WDFY3: variants seen among roughly 807,000 people sequenced by gnomAD.
WDFY3 encodes WD repeat and FYVE domain-containing protein 3.
A neutral mutation model predicts 409.6 loss-of-function variants in WDFY3; 66 were observed. The observed-to-expected ratio is 0.16, with a 90% CI of 0.13 to 0.20. The LOEUF is 0.20. WDFY3 is among the 10% of genes least tolerant of loss of function. The pLI, the probability that WDFY3 is intolerant of heterozygous loss-of-function variation, is 1.00. For synonymous variants in WDFY3, 1,521 were observed against 1,537.1 expected (o/e 0.99, Z 0.25); for missense variants, 3,031 against 4,298.1 (o/e 0.71, Z 8.24).
rs1231103787 is a variant in WDFY3, at chr4:84,724,374, T to C, written c.7441+52A>G. 26 of 1,552,610 alleles carry C rather than the reference T, an allele frequency of 1.7e-5. No individual in the cohort carries two copies. The Admixed American group carries it at 4.2e-4, about 25-fold the overall frequency. ...GCTCAAATTTTTGTATGAATTCAAA[T>C]ACAAGAATGTTCCAAAATCACTTTT... On this transcript the variant is annotated intron_variant, in intron 46 of 67. Coordinates refer to ENST00000295888, the MANE Select transcript of WDFY3 (RefSeq NM_014991.6).
chr4:84,726,573 T>G lies in WDFY3; in HGVS notation c.7272+288A>C, dbSNP rs557105132. ...ATGCCTCATAATTTGTTAGTTTATG[T>G]GTGAAGCAAAAGATGTTTTTATAGT... is the stretch of plus-strand genomic sequence containing the variant. On this transcript the variant is annotated intron_variant, in intron 45 of 67. Coordinates refer to ENST00000295888, the MANE Select transcript of WDFY3 (RefSeq NM_014991.6). Among the ~76,000 whole-genome samples the G allele has an allele frequency of 1.1e-3, 168 of 152,244 alleles. 2 individuals carry two copies. Among genetic ancestry groups the G allele is most frequent in the African/African-American group, 3.8e-3 (157 of 41,568 alleles).
At chr4:84,779,494 C>A (rs562947706) in intron 26 of WDFY3, among the ~76,000 whole-genome samples, 12 of 152,004 alleles carry the variant, frequency 7.9e-5, no homozygotes, top group Non-Finnish European at 1.5e-4. Context: ...CTTACTGCAG[C>A]CTCCGCCTTC....
At chr4:84,677,480 T>G in intron 66 of WDFY3, 84 bp from the exon 67 acceptor site, 1 of 1,376,066 alleles carries the variant, frequency 7.3e-7, no homozygotes, top group African/African-American at 1.5e-5. Flanking sequence ...TTGGTGGATG[T>G]GTGTTTTGAG....
At chr4:84,822,098 T>C (rs1754154350) in intron 10 of WDFY3, among the ~76,000 whole-genome samples, 2 of 152,176 alleles carry the variant, frequency 1.3e-5, no homozygotes, top group South Asian at 4.1e-4. Context: ...AATTTCTTCA[T>C]ATAGACATTT....
chr4:84,756,521 T>C (rs2149328307), intron 33 of WDFY3, among the ~76,000 whole-genome samples: 1 of 151,410 alleles, frequency 6.6e-6, no homozygotes, highest in Non-Finnish European at 1.5e-5. Flanking sequence ...GGAGGTGGAA[T>C]TTTCAATCAG....
intron 53 of WDFY3, among the ~76,000 whole-genome samples, chr4:84,708,119 G>C (rs1251887949): frequency 6.6e-6 from 1 of 152,166 alleles, no homozygotes; most frequent in East Asian, 1.9e-4. Context: ...TCAGACAGGA[G>C]GCAAAGGAAG....
chr4:84,802,864 T>C (rs922789705), intron 16 of WDFY3, among the ~76,000 whole-genome samples: 21 of 152,324 alleles, frequency 1.4e-4, no homozygotes, highest in African/African-American at 5.1e-4. Context: ...CTTTAGGCCT[T>C]AGAGGCTATA....
At chr4:84,956,981 A>T (rs75235667) in intron 1 of WDFY3, among the ~76,000 whole-genome samples, 1 of 127,758 alleles carries the variant, frequency 7.8e-6, no homozygotes, top group Non-Finnish European at 1.8e-5. Context: ...TGGTTTTCTT[A>T]AAAAAAAAAA....
chr4:84,879,804 T>G (rs530448803), intron 3 of WDFY3, among the ~76,000 whole-genome samples: 2 of 151,840 alleles, frequency 1.3e-5, no homozygotes, highest in Admixed American at 1.3e-4. Context: ...AACAACCCAA[T>G]AGAAAAATGA....
intron 7 of WDFY3, among the ~76,000 whole-genome samples, chr4:84,835,930 C>T (rs190378738): frequency 6.6e-6 from 1 of 152,224 alleles, no homozygotes; most frequent in Admixed American, 6.5e-5. Flanking sequence ...AGGTAGATAT[C>T]ATTTTCATTT....
chr4:84,899,161 C>T (rs796513318), intron 2 of WDFY3, among the ~76,000 whole-genome samples: 5 of 152,282 alleles, frequency 3.3e-5, no homozygotes, highest in African/African-American at 1.2e-4. Context: ...AAAAGGCAAC[C>T]TCCTTGAAAT....
intron 5 of WDFY3, 77 bp from the exon 6 acceptor site, chr4:84,841,340 G>A (rs1354249453): frequency 3.2e-6 from 4 of 1,256,998 alleles, no homozygotes; most frequent in East Asian, 2.4e-5. Context: ...ACCTACCAAG[G>A]AAATGAAAAT....
intron 1 of WDFY3, among the ~76,000 whole-genome samples, chr4:84,958,761 C>T (rs1374477106): frequency 3.3e-5 from 5 of 152,214 alleles, no homozygotes. Flanking sequence ...TGGTTCACCT[C>T]CTTCCAGCCA....
rs144392913 is a variant in WDFY3 at position 84,856,205 on chromosome 4, G to A, written c.180+4207C>T. ...ACAAATTAAAAAGTAATGATAATTT[G>A]TAAGGGATTAAAAAAGGACACTGTA... is the stretch of plus-strand genomic sequence containing the variant. On this transcript the variant is annotated intron_variant, in intron 4 of 67. Transcript: ENST00000295888. Among the ~76,000 whole-genome samples, 5 of 152,296 alleles carry A rather than the reference G, an allele frequency of 3.3e-5. No individual in the cohort carries two copies. In the East Asian group the frequency reaches 9.6e-4, roughly 29 times the overall value.
chr4:84,841,805 G>T (rs1028052949), intron 5 of WDFY3, among the ~76,000 whole-genome samples: 8 of 152,150 alleles, frequency 5.3e-5, no homozygotes, highest in African/African-American at 1.9e-4. Flanking sequence ...GATTTTCTGG[G>T]CAAGAGGGAG....
chr4:84,719,846 AC>A (rs1560594976), intron 47 of WDFY3, among the ~76,000 whole-genome samples: 1 of 152,184 alleles, frequency 6.6e-6, no homozygotes, highest in African/African-American at 2.4e-5. Flanking sequence ...TACCTGGTGT[AC>A]TTTTATAGTT....
chr4:84,836,991 C>T lies in WDFY3; in HGVS notation c.514G>A (p.Gly172Ser). The T allele has an allele frequency of 6.2e-7, 1 of 1,601,270 alleles. No individual in the cohort carries two copies. The highest frequency in any genetic ancestry group is 8.5e-7 in the Non-Finnish European group (1 of 1,174,012). ...DLPHVPEAVG[G>S]AQNELPLAER... Reference sequence around the variant, plus strand: ...GCTAGAGGTAGCTCATTCTGTGCACCTCCAACTGCCTCAGGCACATGTGGA... The same window carrying T: ...GCTAGAGGTAGCTCATTCTGTGCACTTCCAACTGCCTCAGGCACATGTGGA... The change falls in exon 7 of 68, where the codon GGT becomes AGT. Residue 172 changes from glycine (G) to serine (S), a missense_variant. Physicochemically the swap from Gly to Ser is moderately conservative, Grantham distance 56. This residue lies in a region of WDFY3 where 1,322 missense variants were observed against 1,697.9 expected (regional missense o/e 0.78). Coordinates refer to ENST00000295888, the MANE Select transcript of WDFY3 (RefSeq NM_014991.6).
At chr4:84,840,674 C>T (rs1008983038) in intron 6 of WDFY3, among the ~76,000 whole-genome samples, 2 of 152,062 alleles carry the variant, frequency 1.3e-5, no homozygotes, top group African/African-American at 4.8e-5. Context: ...ACCTCCCAGG[C>T]TCAAGCAATC....
intron 3 of WDFY3, among the ~76,000 whole-genome samples, chr4:84,889,346 G>C (rs1031690208): frequency 6.6e-6 from 1 of 152,122 alleles, no homozygotes; most frequent in Non-Finnish European, 1.5e-5. Flanking sequence ...CATCTGCAGA[G>C]ACCTTTTGCA....
Sources: gnomAD v4.1 joint callset for allele counts (sites outside exome capture counted in the v4.1 genomes callset) on GRCh38, gnomAD v4.1.1 for gene constraint, gnomAD v4.1.1 regional missense constraint, MANE v1.5 for transcripts, NCBI Gene and HGNC (gene_info 2026-07-23, HGNC 2026-07-21) for gene names.